The following MAML2 variants were observed in gnomAD, a reference collection of about 807,000 sequenced individuals.
The protein encoded by MAML2 is mastermind like transcriptional coactivator 2, also known as mastermind-like protein 2.
MAML2 carries 22 observed loss-of-function variants against 96.1 expected under a neutral mutation model. The ratio of observed to expected loss-of-function variants is 0.23; its 90% CI spans 0.16 to 0.33. MAML2 has a LOEUF of 0.33. MAML2 is among the 10% of genes least tolerant of loss of function. The probability of loss-of-function intolerance (pLI) is 1.00; values close to 1 mark genes in which losing one functional copy is unlikely to be tolerated. For missense variants in MAML2, 1,367 were observed against 1,392.4 expected (o/e 0.98, Z 0.29); for synonymous variants, 561 against 521.3 (o/e 1.08, Z -1.04).
chr11:96,182,371 G>A (rs1216190686), intron 1 of MAML2, among the ~76,000 whole-genome samples: 1 of 152,132 alleles, frequency 6.6e-6, no homozygotes, highest in Non-Finnish European at 1.5e-5. Flanking sequence ...CAGGCAGATC[G>A]CTAGGCACTT....
chr11:95,993,153 T>C (rs1857939468), intron 2 of MAML2, among the ~76,000 whole-genome samples: 2 of 150,128 alleles, frequency 1.3e-5, no homozygotes, highest in East Asian at 2.0e-4. Context: ...CAAGTGATCC[T>C]AGATCCTTGG....
chr11:96,234,647 T>C (rs7940629), intron 1 of MAML2, among the ~76,000 whole-genome samples: 10,083 of 152,216 alleles, frequency 0.066, 987 homozygotes, highest in African/African-American at 0.21. Context: ...TATCTCTATC[T>C]TTCTCACACA....
intron 2 of MAML2, among the ~76,000 whole-genome samples, chr11:96,081,190 G>A (rs1591000261): frequency 6.6e-6 from 1 of 152,022 alleles, no homozygotes; most frequent in Admixed American, 6.5e-5. Context: ...GAAAACTATT[G>A]AAATACATCT....
At chr11:96,137,587 A>T (rs1003319376) in intron 1 of MAML2, among the ~76,000 whole-genome samples, 4 of 152,254 alleles carry the variant, frequency 2.6e-5, no homozygotes, top group Non-Finnish European at 5.9e-5. Flanking sequence ...CTTGCCTTTC[A>T]GATGGAAAAA....
chr11:96,065,948 G>A (rs1281273303), intron 2 of MAML2, among the ~76,000 whole-genome samples: 24 of 152,144 alleles, frequency 1.6e-4, no homozygotes, highest in Admixed American at 1.6e-3. Context: ...AAACTGGTTA[G>A]GTTGGGCTTT....
chr11:96,184,101 CTT>C (rs77952021), intron 1 of MAML2, among the ~76,000 whole-genome samples: 15,262 of 152,224 alleles, frequency 0.1, 960 homozygotes, highest in Middle Eastern at 0.2. Context: ...CACTACATCT[CTT>C]GTCACTGGGT....
At chr11:96,315,003 C>A (rs551241080) in intron 1 of MAML2, among the ~76,000 whole-genome samples, 3 of 152,176 alleles carry the variant, frequency 2.0e-5, no homozygotes, top group Non-Finnish European at 4.4e-5. Context: ...AAGTGCCAAC[C>A]CTAGAGGTTC....
intron 1 of MAML2, among the ~76,000 whole-genome samples, chr11:96,202,071 C>G (rs768490027): frequency 2.8e-5 from 4 of 144,916 alleles, no homozygotes; most frequent in African/African-American, 1.0e-4. Context: ...TGGTGGCTCG[C>G]GCCTGTAATC....
intron 1 of MAML2, among the ~76,000 whole-genome samples, chr11:96,133,830 C>T (rs1274809866): frequency 6.6e-6 from 1 of 151,940 alleles, no homozygotes; most frequent in Non-Finnish European, 1.5e-5. Flanking sequence ...CCTGTCTCTA[C>T]AAAAAATACA....
At chr11:96,169,970 C>G (rs1374697065) in intron 1 of MAML2, among the ~76,000 whole-genome samples, 2 of 152,220 alleles carry the variant, frequency 1.3e-5, no homozygotes, top group East Asian at 1.9e-4. Context: ...CTTTATTCTT[C>G]TAGTATTACC....
At chr11:96,266,833 C>T (rs1196513853) in intron 1 of MAML2, among the ~76,000 whole-genome samples, 3 of 152,066 alleles carry the variant, frequency 2.0e-5, no homozygotes, top group African/African-American at 7.3e-5. Context: ...GAATATCACA[C>T]ATGGAAATGT....
intron 1 of MAML2, among the ~76,000 whole-genome samples, chr11:96,308,478 C>T (rs967879400): frequency 2.0e-5 from 3 of 152,210 alleles, no homozygotes; most frequent in Non-Finnish European, 4.4e-5. Context: ...TTTTCACTTA[C>T]TGCATACCTG....
rs879823928 is a variant in MAML2 at position 95,977,109 on chromosome 11, G to A, written c.*1839C>T. Reference sequence around the variant, plus strand: ...CAAAAGTTCCCACTCAACCACCTATGGTTTAAGTGTAGAGCTAAAAATAAA... The same window carrying A: ...CAAAAGTTCCCACTCAACCACCTATAGTTTAAGTGTAGAGCTAAAAATAAA... On this transcript the variant is annotated 3_prime_UTR_variant, in exon 5 of 5. Coordinates refer to ENST00000524717, the MANE Select transcript of MAML2 (RefSeq NM_032427.4). The A allele has an allele frequency of 1.0e-5, 2 of 196,964 alleles. No individual in the cohort carries two copies. Among genetic ancestry groups the A allele is most frequent in the African/African-American group, 2.3e-5 (1 of 43,230 alleles). 12.2% of individuals were successfully genotyped at this position (196,964 alleles called of 1,614,324 possible). A position where few individuals can be genotyped will look rare whatever the true frequency, so the allele number is the denominator to read the frequency against.
intron 1 of MAML2, among the ~76,000 whole-genome samples, chr11:96,191,223 T>A (rs562992987): frequency 6.6e-6 from 1 of 152,238 alleles, no homozygotes; most frequent in Admixed American, 6.5e-5. Flanking sequence ...CCCAGCACTT[T>A]GGGAGGCTGA....
At chr11:96,159,089 T>C (rs1369042982) in intron 1 of MAML2, among the ~76,000 whole-genome samples, 1 of 152,126 alleles carries the variant, frequency 6.6e-6, no homozygotes, top group East Asian at 1.9e-4. Flanking sequence ...TAAAGACAAG[T>C]TGTATCAGAA....
At position 96,092,511 on chromosome 11, in the gene MAML2, G is replaced by A. The variant is rs748468012; in HGVS notation, c.1520C>T (p.Ser507Leu). 12 of 1,596,580 alleles carry A rather than the reference G, an allele frequency of 7.5e-6. No individual in the cohort carries two copies. The highest frequency in any genetic ancestry group is 3.4e-5 in the South Asian group (3 of 88,554). ...GTACATGTAGTTAGCCATTACTTTC[G>A]ACTGGCCGCTGCCGCCAGCTACCCC... ...MPGVAGGSGQ[S>L]KVMANYMYKA... The change falls in exon 2 of 5, where the codon TCG (serine) becomes TTG (leucine). Residue 507 changes from serine to leucine, a missense_variant. Transcript: ENST00000524717. This position sits in a 1 kb window ranked among gnomAD's most constrained non-coding sequence, Gnocchi z 4.1.
intron 1 of MAML2, among the ~76,000 whole-genome samples, chr11:96,305,893 A>G (rs1446857274): frequency 6.6e-6 from 1 of 152,190 alleles, no homozygotes; most frequent in African/African-American, 2.4e-5. Context: ...AGCAACAAAC[A>G]CAAGTATAAA....
rs549295579 is a variant in MAML2 at position 96,071,467 on chromosome 11, G to A, written c.2139+20425C>T. ...CAGTATTGGCCAGTCGGCCCACAGT[G>A]TAGCCTGGAGTGGCAGCTGCTAGTA... On this transcript the variant is annotated intron_variant, in intron 2 of 4. Coordinates refer to ENST00000524717, the MANE Select transcript of MAML2 (RefSeq NM_032427.4). 3.9e-3 allele frequency among the ~76,000 whole-genome samples: 587 copies of A among 152,392 alleles called. 2 individuals carry two copies. Among genetic ancestry groups the A allele is most frequent in the African/African-American group, 0.014 (570 of 41,594 alleles).
At chr11:96,310,344 A>G (rs902045335) in intron 1 of MAML2, among the ~76,000 whole-genome samples, 2 of 152,312 alleles carry the variant, frequency 1.3e-5, no homozygotes, top group South Asian at 4.1e-4. Flanking sequence ...TTAAGAATGT[A>G]TCAGGGTTTA....
Sources: gnomAD v4.1 joint callset for allele counts (sites outside exome capture counted in the v4.1 genomes callset) on GRCh38, gnomAD v4.1.1 for gene constraint, Gnocchi (gnomAD v3.1) non-coding constraint, MANE v1.5 for transcripts, NCBI Gene and HGNC (gene_info 2026-07-23, HGNC 2026-07-21) for gene names.